Variants in FYTTD1 observed in about 807,000 individuals in gnomAD.
FYTTD1 encodes forty-two-three domain containing 1.
A neutral mutation model predicts 40.9 loss-of-function variants in FYTTD1; 22 were observed. That is an observed-to-expected ratio of 0.54 (90% CI 0.38 to 0.77). The LOEUF is 0.77. Ranked by LOEUF, FYTTD1 falls within the 30% of genes least tolerant of loss-of-function variation. The pLI is 0.00. For missense variants in FYTTD1, 351 were observed against 392.2 expected, an observed-to-expected ratio of 0.90 and a Z score of 0.89; for synonymous variants, 140 against 137.9, an observed-to-expected ratio of 1.01 and a Z score of -0.10.
chr3:197,754,117 A>G (rs1729146326), intron 1 of FYTTD1, among the ~76,000 whole-genome samples: 1 of 152,010 alleles, frequency 6.6e-6, no homozygotes, highest in African/African-American at 2.4e-5. Flanking sequence ...CCCAGACAAA[A>G]TTCATTTTTT....
chr3:197,763,291 G>A (rs887665824), intron 2 of FYTTD1, among the ~76,000 whole-genome samples: 17 of 152,056 alleles, frequency 1.1e-4, no homozygotes, highest in Non-Finnish European at 1.5e-5. Flanking sequence ...GCACATAGCT[G>A]TAATCCCAGC....
intron 2 of FYTTD1, among the ~76,000 whole-genome samples, chr3:197,760,043 C>T (rs1011373504): frequency 5.0e-5 from 7 of 139,154 alleles, no homozygotes; most frequent in South Asian, 2.4e-4. Context: ...GTTGTTCTTC[C>T]GTGGTAGAAC....
At chr3:197,770,574 C>T (rs540434465) in intron 4 of FYTTD1, among the ~76,000 whole-genome samples, 1 of 152,308 alleles carries the variant, frequency 6.6e-6, no homozygotes, top group East Asian at 1.9e-4. Flanking sequence ...GACAGGGCTT[C>T]TCGATCTGTT....
In FYTTD1 at chr3:197,786,875, C is replaced by A. The variant is rs1268590970; in HGVS notation, c.*4966C>A. 3.9e-5 allele frequency: 6 copies of A among 152,136 alleles called. No homozygotes were observed. Among genetic ancestry groups the A allele is most frequent in the Non-Finnish European group, 8.8e-5 (6 of 68,030 alleles). 9.4% of individuals were successfully genotyped at this position (152,136 alleles called of 1,614,324 possible). A position where few individuals can be genotyped will look rare whatever the true frequency, so the allele number is the denominator to read the frequency against. On this transcript the variant is annotated 3_prime_UTR_variant, in exon 9 of 9. Coordinates refer to ENST00000241502, the MANE Select transcript of FYTTD1 (RefSeq NM_032288.7). The stretch of plus-strand genomic sequence containing the variant: ...AATCTCGGCTCACTGCAGCCTCTGC[C>A]TCCCAGGATCCTTTCCGGGTTCAAG...
At chr3:197,754,448 G>T (rs1729153756) in intron 1 of FYTTD1, among the ~76,000 whole-genome samples, 1 of 152,122 alleles carries the variant, frequency 6.6e-6, no homozygotes, top group Non-Finnish European at 1.5e-5. Flanking sequence ...AGGTAGAACA[G>T]TAATATATTA....
intron 2 of FYTTD1, among the ~76,000 whole-genome samples, chr3:197,760,219 G>A (rs1356037936): frequency 1.3e-5 from 2 of 152,036 alleles, no homozygotes; most frequent in Non-Finnish European, 2.9e-5. Context: ...GTGGTAGAAC[G>A]TATAGAATTG....
chr3:197,769,791 T>C (rs1356479825), intron 3 of FYTTD1, among the ~76,000 whole-genome samples: 1 of 152,152 alleles, frequency 6.6e-6, no homozygotes, highest in Non-Finnish European at 1.5e-5. Flanking sequence ...CTGATTCTTC[T>C]CTTGAGTTCC....
At chr3:197,754,638 G>A (rs532565616) in intron 1 of FYTTD1, among the ~76,000 whole-genome samples, 206 of 151,046 alleles carry the variant, frequency 1.4e-3, no homozygotes, top group Admixed American at 8.4e-3. Flanking sequence ...GACTATGGAG[G>A]AAATGTTTGT....
In FYTTD1 at chr3:197,781,831, G is replaced by A. The variant is rs768571754; in HGVS notation, c.879G>A (p.Glu293=). Residue 293 remains glutamate, a synonymous_variant, in exon 9 of 9, where the codon GAG becomes GAA. Coordinates refer to ENST00000241502, the MANE Select transcript of FYTTD1 (RefSeq NM_032288.7). The part of the protein sequence containing the change: ...VGKQTGMTLN[E]RFGILKEQRA... The stretch of plus-strand genomic sequence containing the variant: ...TCTAGACAGGGATGACGTTGAATGA[G>A]CGGTTTGGGATCCTGAAGGAACAAA... The A allele has an allele frequency of 8.7e-6, 14 of 1,608,284 alleles. No individual in the cohort carries two copies. The highest frequency in any genetic ancestry group is 3.3e-5 in the Admixed American group (2 of 59,714).
At chr3:197,773,917 C>A (rs1045229143) in intron 5 of FYTTD1, among the ~76,000 whole-genome samples, 1 of 149,446 alleles carries the variant, frequency 6.7e-6, no homozygotes, top group Non-Finnish European at 1.5e-5. Context: ...CGGGCCCCTC[C>A]GCAGCACTCA....
Position 197,757,372 on chromosome 3 carries a change from T to C in FYTTD1, c.235+815T>C, listed in dbSNP as rs930144288. On this transcript the variant is annotated intron_variant, in intron 2 of 8. Coordinates refer to ENST00000241502, the MANE Select transcript of FYTTD1 (RefSeq NM_032288.7). ...TTTTTCAGATATGTAAAAATATGTTTGACAAACTAACTTCCAAATTGATTT... is the reference window on the plus strand; with the variant it reads ...TTTTTCAGATATGTAAAAATATGTTCGACAAACTAACTTCCAAATTGATTT... 5.0e-4 allele frequency among the ~76,000 whole-genome samples: 76 copies of C among 152,370 alleles called. 1 individual carries two copies. The highest frequency in any genetic ancestry group is 5.3e-4 in the Non-Finnish European group (36 of 68,032).
chr3:197,778,297 C>T, intron 7 of FYTTD1, 41 bp from the exon 8 acceptor site: 3 of 1,494,550 alleles, frequency 2.0e-6, no homozygotes, highest in African/African-American at 1.4e-5. Flanking sequence ...TTTTTCTTTT[C>T]ATTGTTAAGC....
intron 2 of FYTTD1, among the ~76,000 whole-genome samples, chr3:197,760,075 G>A (rs1729332956): frequency 6.6e-6 from 1 of 151,896 alleles, no homozygotes; most frequent in Non-Finnish European, 1.5e-5. Flanking sequence ...TTCTTCAGTG[G>A]TAGAACGTAT....
intron 4 of FYTTD1, among the ~76,000 whole-genome samples, chr3:197,770,447 C>T (rs777495536): frequency 3.9e-5 from 6 of 152,132 alleles, no homozygotes; most frequent in Admixed American, 6.6e-5. Context: ...TGAAGTTAAC[C>T]GATATAAGCT....
intron 7 of FYTTD1, 71 bp from the exon 8 acceptor site, chr3:197,778,267 T>C (rs1025593767): frequency 3.2e-6 from 4 of 1,259,170 alleles, no homozygotes; most frequent in Non-Finnish European, 3.3e-6. Flanking sequence ...ACAAGATGTC[T>C]TAAGTACCAA....
At chr3:197,762,779 G>C (rs1177552883) in intron 2 of FYTTD1, among the ~76,000 whole-genome samples, 4 of 152,246 alleles carry the variant, frequency 2.6e-5, no homozygotes, top group Middle Eastern at 3.4e-3. Flanking sequence ...CTGCTCAGGA[G>C]GCTGAGGCAG....
chr3:197,781,839 G>A lies in FYTTD1; in HGVS notation c.887G>A (p.Gly296Glu). 2 of 1,609,132 alleles carry A rather than the reference G, an allele frequency of 1.2e-6. No individual in the cohort carries two copies. The highest frequency in any genetic ancestry group is 1.7e-6 in the Non-Finnish European group (2 of 1,176,948). ...QTGMTLNERF[G>E]ILKEQRATLT... ...GGGATGACGTTGAATGAGCGGTTTG[G>A]GATCCTGAAGGAACAAAGAGCCACT... The change falls in exon 9 of 9, where the codon GGG (glycine) becomes GAG (glutamate). Residue 296 changes from glycine to glutamate, a missense_variant. Coordinates refer to ENST00000241502, the MANE Select transcript of FYTTD1 (RefSeq NM_032288.7).
At chr3:197,756,650 C>G (rs925986688) in intron 2 of FYTTD1, 93 bp downstream of exon 2, 1 of 1,157,770 alleles carries the variant, frequency 8.6e-7, no homozygotes, top group Non-Finnish European at 1.3e-6. Context: ...AGGAATGCGT[C>G]AGTACTCTTT....
intron 2 of FYTTD1, among the ~76,000 whole-genome samples, chr3:197,757,871 C>G (rs1157100982): frequency 6.6e-6 from 1 of 152,214 alleles, no homozygotes; most frequent in Non-Finnish European, 1.5e-5. Flanking sequence ...AGGTATTTAA[C>G]TGTAGCAAAT....
Sources: gnomAD v4.1 joint callset for allele counts (sites outside exome capture counted in the v4.1 genomes callset) on GRCh38, gnomAD v4.1.1 for gene constraint, MANE v1.5 for transcripts, NCBI Gene and HGNC (gene_info 2026-07-23, HGNC 2026-07-21) for gene names.